CHIC1: variants seen among roughly 807,000 people sequenced by gnomAD.
CHIC1 encodes cysteine rich hydrophobic domain 1.
A neutral mutation model predicts 18.5 loss-of-function variants in CHIC1; 7 were observed. The observed-to-expected ratio is 0.38, with a 90% CI of 0.22 to 0.71. CHIC1 has a LOEUF of 0.71. CHIC1 is among the 30% of genes least tolerant of loss of function. The pLI is 0.49. For missense variants in CHIC1, 159 were observed against 176.9 expected (o/e 0.90, Z 0.57); for synonymous variants, 77 against 73.5 (o/e 1.05, Z -0.25).
chrX:73,674,722 G>A (rs2058052233), intron 3 of CHIC1, among the ~76,000 whole-genome samples: 1 of 111,289 alleles, frequency 9.0e-6, no homozygotes, highest in African/African-American at 3.3e-5. Context: ...GGTTTTTTGT[G>A]TCTCTATTTC....
intron 3 of CHIC1, among the ~76,000 whole-genome samples, chrX:73,616,804 C>A (rs941153693): frequency 2.7e-5 from 3 of 111,659 alleles, no homozygotes; most frequent in African/African-American, 9.8e-5. Flanking sequence ...CAGCAGGGGT[C>A]CCCTAGGCCT....
rs1037909325 is a variant in CHIC1 at position 73,686,970 on chromosome X, A to G, written c.*5965A>G. 1 of 111,655 alleles carries G rather than the reference A, an allele frequency of 9.0e-6. No individual in the cohort carries two copies. Among genetic ancestry groups the G allele is most frequent in the South Asian group, 3.7e-4 (1 of 2,705 alleles). 9.2% of individuals were successfully genotyped at this position (111,655 alleles called of 1,213,427 possible). A position where few individuals can be genotyped will look rare whatever the true frequency, so the allele number is the denominator to read the frequency against. ...ACTTCCCTGGAAAAACTCAATCTAT[A>G]TACAGCTGTGCCAAAATGAAGGATA... On this transcript the variant is annotated 3_prime_UTR_variant, in exon 6 of 6. Transcript: ENST00000373502.
intron 2 of CHIC1, among the ~76,000 whole-genome samples, chrX:73,579,651 G>T (rs2057517088): frequency 9.1e-6 from 1 of 110,217 alleles, no homozygotes; most frequent in Non-Finnish European, 1.9e-5. Context: ...AGAATATGTG[G>T]CCATTTAACA....
chrX:73,572,687 T>A (rs757377846), intron 1 of CHIC1, among the ~76,000 whole-genome samples: 2 of 111,892 alleles, frequency 1.8e-5, no homozygotes, highest in Admixed American at 9.5e-5. Context: ...TTGATCTGTA[T>A]TTCTCTAATG....
In CHIC1 at chrX:73,684,924, C is replaced by T. The variant is rs962964717; in HGVS notation, c.*3919C>T. The T allele has an allele frequency of 5.4e-5, 6 of 110,786 alleles. No individual in the cohort carries two copies. The highest frequency in any genetic ancestry group is 2.0e-4 in the African/African-American group (6 of 30,502). The allele number at this position is 110,786 out of a possible 1,213,427, so 9.1% of individuals were successfully genotyped here. A position where few individuals can be genotyped will look rare whatever the true frequency, so the allele number is the denominator to read the frequency against. Reference sequence around the variant, plus strand: ...TTGATGGCACCCTGTGAGTATGTTCCATTTTCTGTGAACTTTGTCAAATTC... The same window carrying T: ...TTGATGGCACCCTGTGAGTATGTTCTATTTTCTGTGAACTTTGTCAAATTC... On this transcript the variant is annotated 3_prime_UTR_variant, in exon 6 of 6. Coordinates refer to ENST00000373502, the MANE Select transcript of CHIC1 (RefSeq NM_001039840.4).
rs758270450 is a variant in CHIC1, at chrX:73,681,864, A to G, written c.*859A>G. The G allele has an allele frequency of 8.9e-6, 1 of 112,219 alleles. No homozygotes were observed. Among genetic ancestry groups the G allele is most frequent in the African/African-American group, 3.2e-5 (1 of 30,972 alleles). The allele number at this position is 112,219 out of a possible 1,213,427, so 9.2% of individuals were successfully genotyped here. A position where few individuals can be genotyped will look rare whatever the true frequency, so the allele number is the denominator to read the frequency against. ...GACCTTTATTTTTCCATTTCGTTTA[A>G]TAATTTCCATTTTGTTGTCTACTCC... On this transcript the variant is annotated 3_prime_UTR_variant, in exon 6 of 6. Transcript: ENST00000373502.
intron 2 of CHIC1, among the ~76,000 whole-genome samples, chrX:73,583,129 T>G (rs1381451299): frequency 1.8e-5 from 2 of 111,426 alleles, no homozygotes; most frequent in Non-Finnish European, 3.8e-5. Flanking sequence ...AGCCTTATAA[T>G]TTCACAACTA....
At chrX:73,595,983 A>G (rs1207127318) in intron 3 of CHIC1, among the ~76,000 whole-genome samples, 1 of 111,537 alleles carries the variant, frequency 9.0e-6, no homozygotes, top group Admixed American at 9.6e-5. Flanking sequence ...CTTTTGAGAA[A>G]TGTCTGTTCA....
At chrX:73,635,698 A>G (rs930613875) in intron 3 of CHIC1, among the ~76,000 whole-genome samples, 1 of 111,800 alleles carries the variant, frequency 8.9e-6, no homozygotes, top group African/African-American at 3.3e-5. Context: ...TTAAACCAGT[A>G]GTAAAGTCCC....
At chrX:73,578,045 A>G (rs1256715969) in intron 2 of CHIC1, among the ~76,000 whole-genome samples, 6 of 109,758 alleles carry the variant, frequency 5.5e-5, no homozygotes, top group Middle Eastern at 8.4e-3. Context: ...CCTGATTACT[A>G]TAATTGATAA....
chrX:73,582,332 A>G (rs1426003976), intron 2 of CHIC1, among the ~76,000 whole-genome samples: 2 of 110,422 alleles, frequency 1.8e-5, no homozygotes, highest in Non-Finnish European at 3.8e-5. Context: ...ATATGTTCAT[A>G]TTTTTTCTTT....
intron 3 of CHIC1, among the ~76,000 whole-genome samples, chrX:73,618,783 A>G (rs779164948): frequency 1.4e-3 from 158 of 112,028 alleles, no homozygotes; most frequent in African/African-American, 4.9e-3. Flanking sequence ...TGCACTCTGG[A>G]TTCACCTCCT....
chrX:73,678,195 C>G (rs1473659278), intron 3 of CHIC1, among the ~76,000 whole-genome samples: 2 of 112,006 alleles, frequency 1.8e-5, no homozygotes, highest in African/African-American at 3.2e-5. Flanking sequence ...TAATCAGTTT[C>G]AGCAGTGTCT....
intron 3 of CHIC1, among the ~76,000 whole-genome samples, chrX:73,600,665 T>C (rs2147565577): frequency 9.3e-6 from 1 of 107,714 alleles, no homozygotes; most frequent in South Asian, 3.9e-4. Context: ...GAACCAGCCT[T>C]GCATCCCAGG....
At chrX:73,647,559 A>G (rs1313474816) in intron 3 of CHIC1, among the ~76,000 whole-genome samples, 7 of 112,276 alleles carry the variant, frequency 6.2e-5, no homozygotes, top group Non-Finnish European at 1.1e-4. Context: ...GTCCCAAGGG[A>G]TGTCCCCCAC....
intron 3 of CHIC1, among the ~76,000 whole-genome samples, chrX:73,618,111 C>T (rs747972137): frequency 9.0e-6 from 1 of 111,717 alleles, no homozygotes; most frequent in Non-Finnish European, 1.9e-5. Flanking sequence ...GGTGTCTGCA[C>T]ATAGTTCTGT....
At chrX:73,618,267 G>A (rs762487450) in intron 3 of CHIC1, among the ~76,000 whole-genome samples, 1 of 111,795 alleles carries the variant, frequency 8.9e-6, no homozygotes, top group East Asian at 2.8e-4. Flanking sequence ...CCAGGAGGTG[G>A]CACTTTCAAT....
intron 3 of CHIC1, among the ~76,000 whole-genome samples, chrX:73,639,274 T>C (rs1211351869): frequency 8.9e-6 from 1 of 112,004 alleles, no homozygotes; most frequent in East Asian, 2.8e-4. Context: ...CTCTAATGAT[T>C]AGTGATATTG....
Position 73,563,416 on chromosome X carries a change from CGAGGAGGAT to C in CHIC1, c.141_149del (p.Asp47_Glu49del), listed in dbSNP as rs1284166566. 4.4e-6 allele frequency: 5 copies of C among 1,149,267 alleles called. No individual in the cohort carries two copies. The East Asian group carries it at 9.9e-5, about 23-fold the overall frequency. The allele number at this position is 1,149,267 out of a possible 1,213,427, so 94.7% of individuals were successfully genotyped here. ...CGTCGGTATCTGGGCCCGACGATGA[CGAGGAGGAT>C]GAGGAGGAAGAGGAGGAAGAGGAGG... On this transcript the variant is annotated inframe_deletion, in exon 1 of 6. Coordinates refer to ENST00000373502, the MANE Select transcript of CHIC1 (RefSeq NM_001039840.4).
Sources: gnomAD v4.1 joint callset for allele counts (sites outside exome capture counted in the v4.1 genomes callset) on GRCh38, gnomAD v4.1.1 for gene constraint, MANE v1.5 for transcripts, NCBI Gene and HGNC (gene_info 2026-07-23, HGNC 2026-07-21) for gene names.